The following DCDC1 variants were observed in gnomAD, a reference collection of about 807,000 sequenced individuals.
DCDC1 encodes doublecortin domain containing 1, also known as doublecortin domain-containing protein 1.
DCDC1 carries 200 observed loss-of-function variants against 178.3 expected under a neutral mutation model. The observed-to-expected ratio is 1.12, with a 90% CI of 1.00 to 1.26. The LOEUF (loss-of-function observed/expected upper bound fraction) is 1.26, where lower values mean the gene tolerates loss of function less well. DCDC1 is among the 50% of genes most tolerant of loss of function. DCDC1 has a pLI of 0.00. For synonymous variants in DCDC1, 690 were observed against 604.8 expected, an observed-to-expected ratio of 1.14 and a Z score of -2.07; for missense variants, 1,983 against 1,749.2, an observed-to-expected ratio of 1.13 and a Z score of -2.38.
At chr11:30,974,377 T>C (rs1175456181) in intron 20 of DCDC1, among the ~76,000 whole-genome samples, 1 of 148,458 alleles carries the variant, frequency 6.7e-6, no homozygotes. Flanking sequence ...AGAAATAATA[T>C]CAGAGCAGAA....
chr11:31,163,709 A>G (rs2136179818), intron 9 of DCDC1, among the ~76,000 whole-genome samples: 1 of 152,288 alleles, frequency 6.6e-6, no homozygotes, highest in African/African-American at 2.4e-5. Flanking sequence ...AATTGTATAT[A>G]TTTGTTAATC....
At chr11:31,017,184 C>G (rs1434544658) in intron 20 of DCDC1, among the ~76,000 whole-genome samples, 1 of 151,882 alleles carries the variant, frequency 6.6e-6, no homozygotes, top group Non-Finnish European at 1.5e-5. Flanking sequence ...TATAGTTGAC[C>G]CTTAAACAAC....
chr11:31,021,588 G>T (rs529796815), intron 20 of DCDC1, among the ~76,000 whole-genome samples: 1 of 152,096 alleles, frequency 6.6e-6, no homozygotes, highest in South Asian at 2.1e-4. Flanking sequence ...GTAACTAAGG[G>T]GAGTGATTTT....
At chr11:31,180,779 T>C (rs1282461345) in intron 9 of DCDC1, among the ~76,000 whole-genome samples, 2 of 152,036 alleles carry the variant, frequency 1.3e-5, no homozygotes, top group African/African-American at 2.4e-5. Flanking sequence ...GGCAGCTGTT[T>C]AGGCAGACAC....
intron 17 of DCDC1, among the ~76,000 whole-genome samples, chr11:31,087,961 A>C (rs930482464): frequency 2.0e-5 from 3 of 152,054 alleles, no homozygotes; most frequent in African/African-American, 7.2e-5. Flanking sequence ...TTTTCCTGGC[A>C]ATTCTATCAG....
intron 11 of DCDC1, among the ~76,000 whole-genome samples, chr11:31,115,352 G>C (rs894253707): frequency 1.3e-5 from 2 of 152,092 alleles, no homozygotes; most frequent in African/African-American, 4.8e-5. Context: ...AGCTGTGGGG[G>C]AACAGCAGGT....
chr11:31,145,798 C>T (rs1467458846), intron 9 of DCDC1, among the ~76,000 whole-genome samples: 1 of 152,090 alleles, frequency 6.6e-6, no homozygotes, highest in Middle Eastern at 3.2e-3. Flanking sequence ...CTTGATTGTC[C>T]TTCTCAATTT....
At chr11:31,111,762 T>G (rs968041470) in intron 11 of DCDC1, among the ~76,000 whole-genome samples, 1 of 152,190 alleles carries the variant, frequency 6.6e-6, no homozygotes, top group East Asian at 1.9e-4. Flanking sequence ...CTAGGTGGCA[T>G]GTATTCTACA....
At chr11:31,142,879 C>T (rs1964000763) in intron 9 of DCDC1, among the ~76,000 whole-genome samples, 1 of 151,780 alleles carries the variant, frequency 6.6e-6, no homozygotes, top group African/African-American at 2.4e-5. Flanking sequence ...TTTACAAAAA[C>T]TGAGCTCTTG....
chr11:31,151,339 A>C (rs1269329399), intron 9 of DCDC1, among the ~76,000 whole-genome samples: 1 of 152,244 alleles, frequency 6.6e-6, no homozygotes, highest in African/African-American at 2.4e-5. Context: ...GAAAGCTTAG[A>C]GTCAAAAATC....
chr11:31,125,538 A>G (rs12365557), intron 11 of DCDC1, among the ~76,000 whole-genome samples: 3,266 of 152,310 alleles, frequency 0.021, 58 homozygotes, highest in Non-Finnish European at 0.035. Context: ...ATGTGCACCA[A>G]TGATAGACTG....
At chr11:31,203,973 T>C (rs1380916918) in intron 9 of DCDC1, among the ~76,000 whole-genome samples, 1 of 152,214 alleles carries the variant, frequency 6.6e-6, no homozygotes, top group Non-Finnish European at 1.5e-5. Context: ...AATAGTAATA[T>C]TCAAAAAGTG....
chr11:30,994,421 A>C (rs1156924602), intron 20 of DCDC1, among the ~76,000 whole-genome samples: 2 of 151,620 alleles, frequency 1.3e-5, no homozygotes, highest in East Asian at 3.9e-4. Flanking sequence ...CCTCCCAAGT[A>C]GTTGAAACTA....
chr11:30,909,319 A>C (rs955709898), intron 28 of DCDC1, among the ~76,000 whole-genome samples: 55 of 152,316 alleles, frequency 3.6e-4, no homozygotes, highest in African/African-American at 1.2e-3. Flanking sequence ...TTACAAAAAT[A>C]GAATCATAAA....
chr11:30,875,085 A>G (rs1478215480), intron 38 of DCDC1, among the ~76,000 whole-genome samples: 1 of 152,160 alleles, frequency 6.6e-6, no homozygotes, highest in Non-Finnish European at 1.5e-5. Context: ...TAGTAGTTTC[A>G]TATTCCAGAC....
At chr11:31,364,001 G>A (rs1329447915) in intron 1 of DCDC1, among the ~76,000 whole-genome samples, 1 of 152,112 alleles carries the variant, frequency 6.6e-6, no homozygotes, top group Admixed American at 6.5e-5. Context: ...TTCTCATGAT[G>A]CTGGGCAGTG....
intron 9 of DCDC1, among the ~76,000 whole-genome samples, chr11:31,183,082 G>A (rs1226664074): frequency 6.6e-6 from 1 of 152,090 alleles, no homozygotes; most frequent in Non-Finnish European, 1.5e-5. Flanking sequence ...CCCAATACAG[G>A]AGCACCCAGA....
At chr11:31,170,128 T>G (rs535301210) in intron 9 of DCDC1, among the ~76,000 whole-genome samples, 1 of 152,186 alleles carries the variant, frequency 6.6e-6, no homozygotes, top group Non-Finnish European at 1.5e-5. Context: ...GCACTAAGTT[T>G]GGCTACAGAT....
intron 20 of DCDC1, among the ~76,000 whole-genome samples, chr11:31,064,030 T>A (rs1167199568): frequency 1.3e-5 from 2 of 152,154 alleles, no homozygotes; most frequent in African/African-American, 4.8e-5. Context: ...GGAAATAGGG[T>A]TGATTTGTTA....
Sources: gnomAD v4.1 joint callset for allele counts (sites outside exome capture counted in the v4.1 genomes callset) on GRCh38, gnomAD v4.1.1 for gene constraint, MANE v1.5 for transcripts, NCBI Gene and HGNC (gene_info 2026-07-23, HGNC 2026-07-21) for gene names.